Variants in NXPE4 observed in about 807,000 individuals in gnomAD.
The protein encoded by NXPE4 is neurexophilin and PC-esterase domain family member 4.
In NXPE4, 42 loss-of-function variants were observed where a neutral mutation model predicts 33.3. The ratio of observed to expected loss-of-function variants is 1.26; its 90% confidence interval spans 0.98 to 1.63. NXPE4 has a LOEUF of 1.63. NXPE4 is among the 40% of genes most tolerant of loss of function. The pLI is 0.00. For missense variants in NXPE4, 709 were observed against 647.6 expected (o/e 1.09, Z -1.03); for synonymous variants, 253 against 234.9 (o/e 1.08, Z -0.71).
chr11:114,608,765 C>A, the NXPE4 span, among the ~76,000 whole-genome samples: 2 of 151,716 alleles, frequency 1.3e-5, no homozygotes, highest in African/African-American at 4.8e-5. Context: ...ATAAGTACTG[C>A]CTCATGGATA....
the NXPE4 span, among the ~76,000 whole-genome samples, chr11:114,638,420 G>A: frequency 0.015 from 2,231 of 151,744 alleles, 47 homozygotes; most frequent in African/African-American, 0.051. Context: ...ATTTCCTCCT[G>A]TAGCTCAGAG....
the NXPE4 span, among the ~76,000 whole-genome samples, chr11:114,645,838 G>A: frequency 1.3e-5 from 2 of 152,042 alleles, no homozygotes; most frequent in African/African-American, 2.4e-5. Flanking sequence ...CATTAGATAG[G>A]CCAAATTTGA....
At chr11:114,613,970 A>C in the NXPE4 span, among the ~76,000 whole-genome samples, 3 of 150,024 alleles carry the variant, frequency 2.0e-5, no homozygotes, top group Non-Finnish European at 4.4e-5. Flanking sequence ...CCGGTGGATA[A>C]TAAGTATTGC....
chr11:114,647,205 C>G, the NXPE4 span, among the ~76,000 whole-genome samples: 1 of 152,184 alleles, frequency 6.6e-6, no homozygotes. Flanking sequence ...TATTCACCTT[C>G]TACATTCGTA....
intron 2 of NXPE4, among the ~76,000 whole-genome samples, chr11:114,585,393 A>G (rs1171335747): frequency 6.6e-6 from 1 of 152,176 alleles, no homozygotes; most frequent in Non-Finnish European, 1.5e-5. Flanking sequence ...GATTCACTTC[A>G]GCTTTAAGGA....
the NXPE4 span, among the ~76,000 whole-genome samples, chr11:114,631,147 A>G: frequency 1.3e-5 from 2 of 152,012 alleles, no homozygotes; most frequent in African/African-American, 4.8e-5. Flanking sequence ...TAGAAATACC[A>G]TTTGACCCAG....
At chr11:114,578,267 T>G (rs996365123) in intron 5 of NXPE4, among the ~76,000 whole-genome samples, 6 of 152,192 alleles carry the variant, frequency 3.9e-5, no homozygotes, top group African/African-American at 1.4e-4. Flanking sequence ...GCTTCCAACT[T>G]ACTTCAGTTT....
the NXPE4 span, among the ~76,000 whole-genome samples, chr11:114,622,745 C>T: frequency 6.8e-4 from 102 of 150,444 alleles, no homozygotes; most frequent in Non-Finnish European, 1.2e-3. Flanking sequence ...ACCACTGTTA[C>T]CCAGCGGATA....
At chr11:114,630,282 G>T in the NXPE4 span, among the ~76,000 whole-genome samples, 1 of 151,700 alleles carries the variant, frequency 6.6e-6, no homozygotes, top group African/African-American at 2.4e-5. Context: ...ATACTAAAAG[G>T]CTACAGTAAC....
chr11:114,652,491 A>T, the NXPE4 span, among the ~76,000 whole-genome samples: 2 of 152,220 alleles, frequency 1.3e-5, no homozygotes, highest in African/African-American at 4.8e-5. Flanking sequence ...ATTCTCTACT[A>T]TATAATGAGG....
the NXPE4 span, among the ~76,000 whole-genome samples, chr11:114,611,800 C>T: frequency 6.6e-6 from 1 of 151,878 alleles, no homozygotes; most frequent in African/African-American, 2.4e-5. Context: ...TAAGTGTTGC[C>T]TCTTGGGAAA....
At chr11:114,594,369 A>C (rs963187492) in intron 2 of NXPE4, among the ~76,000 whole-genome samples, 1 of 152,186 alleles carries the variant, frequency 6.6e-6, no homozygotes, top group Non-Finnish European at 1.5e-5. Flanking sequence ...AAAAATATAG[A>C]TATTCTGTTC....
At chr11:114,677,284 A>C in the NXPE4 span, among the ~76,000 whole-genome samples, 3 of 151,970 alleles carry the variant, frequency 2.0e-5, no homozygotes, top group African/African-American at 7.3e-5. Flanking sequence ...TTCTCACCAC[A>C]CAAATAAAAA....
chr11:114,664,651 A>G, the NXPE4 span, among the ~76,000 whole-genome samples: 2 of 152,178 alleles, frequency 1.3e-5, no homozygotes, highest in East Asian at 3.9e-4. Context: ...CACAGTCCCC[A>G]ACTTGTGAGG....
the NXPE4 span, among the ~76,000 whole-genome samples, chr11:114,648,367 A>T: frequency 1.3e-5 from 2 of 152,162 alleles, no homozygotes; most frequent in African/African-American, 2.4e-5. Flanking sequence ...ACAAAAACCC[A>T]TATCTCAGTG....
intron 2 of NXPE4, among the ~76,000 whole-genome samples, chr11:114,592,776 A>C (rs1405205297): frequency 6.6e-6 from 1 of 152,174 alleles, no homozygotes; most frequent in Non-Finnish European, 1.5e-5. Flanking sequence ...CTGACTTCAA[A>C]ATATACTACA....
At chr11:114,651,969 G>T in the NXPE4 span, among the ~76,000 whole-genome samples, 1 of 152,194 alleles carries the variant, frequency 6.6e-6, no homozygotes, top group Non-Finnish European at 1.5e-5. Context: ...GTTCACAGTG[G>T]CACTCCAGCT....
At chr11:114,640,128 A>T in the NXPE4 span, among the ~76,000 whole-genome samples, 972 of 120,334 alleles carry the variant, frequency 8.1e-3, 13 homozygotes, top group African/African-American at 0.03. Flanking sequence ...GTTATATGTA[A>T]TATATTATAT....
chr11:114,639,856 A>G, the NXPE4 span, among the ~76,000 whole-genome samples: 1 of 85,642 alleles, frequency 1.2e-5, no homozygotes, highest in Non-Finnish European at 2.0e-5. Context: ...AATATAATAT[A>G]TATTATATTT....
Sources: allele counts gnomAD v4.1 joint callset (sites outside exome capture counted in the v4.1 genomes callset), GRCh38; gene constraint gnomAD v4.1.1; transcripts MANE v1.5; gene names NCBI Gene and HGNC (gene_info 2026-07-23, HGNC 2026-07-21).